Variants in USP32 observed in about 807,000 individuals in gnomAD.
The protein encoded by USP32 is ubiquitin specific peptidase 32, also known as ubiquitin carboxyl-terminal hydrolase 32.
USP32 carries 59 observed loss-of-function variants against 204.8 expected under a neutral mutation model. That is an observed-to-expected ratio of 0.29 (90% confidence interval 0.23 to 0.36). The LOEUF (loss-of-function observed/expected upper bound fraction) is 0.36, where lower values mean the gene tolerates loss of function less well. Ranked by LOEUF, USP32 falls within the 10% of genes least tolerant of loss-of-function variation. The pLI, the probability that USP32 is intolerant of heterozygous loss-of-function variation, is 1.00. For synonymous variants in USP32, 517 were observed against 678.4 expected (o/e 0.76, Z 3.70); for missense variants, 1,160 against 1,946.4 (o/e 0.60, Z 7.60).
rs189196245 is a variant in USP32, at chr17:60,366,830, T to C, written c.59-21222A>G. On this transcript the variant is annotated intron_variant, in intron 1 of 33. Transcript: ENST00000300896. ...ATATAAAGATTTTAAGCCCACTCTT[T>C]TTTTTCTTTTGAGAGGGAGTCTTGC... 3.2e-3 allele frequency among the ~76,000 whole-genome samples: 492 copies of C among 152,084 alleles called. 3 individuals carry two copies. Among genetic ancestry groups the C allele is most frequent in the Non-Finnish European group, 5.6e-3 (381 of 67,936 alleles).
At chr17:60,353,124 T>C (rs1203527162) in intron 1 of USP32, among the ~76,000 whole-genome samples, 2 of 152,142 alleles carry the variant, frequency 1.3e-5, no homozygotes, top group East Asian at 1.9e-4. Flanking sequence ...GAAGCAATTA[T>C]TGTTAAATAA....
rs532609871 is a variant in USP32, at chr17:60,226,369, C to G, written c.1240-138G>C. ...ACAGACATTTAAAAACATTCTAATA[C>G]ATAGCTATATTTTAATCTCTTTCAG... On this transcript the variant is annotated intron_variant, in intron 12 of 33. Transcript: ENST00000300896. 23 of 710,520 alleles carry G rather than the reference C, an allele frequency of 3.2e-5. No individual in the cohort carries two copies. In the African/African-American group the frequency reaches 3.8e-4, roughly 12 times the overall value. 44.0% of individuals were successfully genotyped at this position (710,520 alleles called of 1,614,324 possible). A position where few individuals can be genotyped will look rare whatever the true frequency, so the allele number is the denominator to read the frequency against.
intron 1 of USP32, among the ~76,000 whole-genome samples, chr17:60,371,456 C>CT (rs2089440138): frequency 1.3e-5 from 2 of 151,632 alleles, no homozygotes; most frequent in African/African-American, 4.9e-5. Flanking sequence ...ATAATCCCAG[C>CT]TACTCAGGAA....
At chr17:60,249,803 G>A (rs2086122023) in intron 11 of USP32, 1 of 697,342 alleles carries the variant, frequency 1.4e-6, no homozygotes. Context: ...TGCTTTTGGG[G>A]AAAGGGTTGG....
intron 1 of USP32, among the ~76,000 whole-genome samples, chr17:60,355,857 GAA>G (rs60937652): frequency 5.1e-4 from 22 of 43,080 alleles, no homozygotes; most frequent in African/African-American, 1.0e-3. Context: ...GAGAGAGAAA[GAA>G]AAAAAAAAAA....
intron 26 of USP32, among the ~76,000 whole-genome samples, chr17:60,203,769 GTTTCACCATCT>G (rs1192761331): frequency 6.6e-6 from 1 of 152,030 alleles, no homozygotes; most frequent in East Asian, 1.9e-4. Context: ...TAGAGACGGG[GTTTCACCATCT>G]TGGCCAGGCT....
rs528360417 is a variant in USP32 at position 60,344,934 on chromosome 17, G to A, written c.186+547C>T. ...CTATTTCAGCCTCCTGAGTAGCTGG[G>A]ACTACAGGGACGCACAGTGGCGCCG... On this transcript the variant is annotated intron_variant, in intron 2 of 33. Coordinates refer to ENST00000300896, the MANE Select transcript of USP32 (RefSeq NM_032582.4). Among the ~76,000 whole-genome samples the A allele has an allele frequency of 2.6e-3, 395 of 152,204 alleles. 3 individuals are homozygous for A. The highest frequency in any genetic ancestry group is 3.9e-3 in the Non-Finnish European group (263 of 68,018).
At chr17:60,365,405 C>T (rs1258124533) in intron 1 of USP32, among the ~76,000 whole-genome samples, 1 of 152,038 alleles carries the variant, frequency 6.6e-6, no homozygotes, top group African/African-American at 2.4e-5. Flanking sequence ...CGCTTGAACA[C>T]AGAAGGTGAA....
intron 5 of USP32, among the ~76,000 whole-genome samples, chr17:60,279,852 T>A (rs1225308902): frequency 6.9e-6 from 1 of 145,638 alleles, no homozygotes; most frequent in East Asian, 2.0e-4. Context: ...ATAATAATAA[T>A]TAATAATAAT....
intron 2 of USP32, among the ~76,000 whole-genome samples, chr17:60,307,072 G>A (rs1486711527): frequency 3.3e-5 from 5 of 151,560 alleles, no homozygotes; most frequent in African/African-American, 1.2e-4. Context: ...CTATGTTCAT[G>A]GATTGGAATA....
intron 5 of USP32, among the ~76,000 whole-genome samples, chr17:60,288,113 C>CAAAAAA (rs1045323566): frequency 3.4e-5 from 1 of 29,460 alleles, no homozygotes; most frequent in Non-Finnish European, 9.6e-5. Flanking sequence ...GACTTCGTCT[C>CAAAAAA]AAAAAAAAAA....
At chr17:60,398,467 G>A (rs1771793733) in intron 1 of USP32, among the ~76,000 whole-genome samples, 1 of 152,102 alleles carries the variant, frequency 6.6e-6, no homozygotes, top group South Asian at 2.1e-4. Context: ...CCGGAGGGAA[G>A]CAAAGAGAAT....
At chr17:60,390,078 C>A (rs1223414999) in intron 1 of USP32, among the ~76,000 whole-genome samples, 1 of 152,076 alleles carries the variant, frequency 6.6e-6, no homozygotes, top group East Asian at 1.9e-4. Context: ...ATTTTGCTAT[C>A]TCTTCAAATA....
rs568175658 is a variant in USP32, at chr17:60,222,566, T to C, written c.1609-17A>G. 22 of 1,607,498 alleles carry C rather than the reference T, an allele frequency of 1.4e-5. No homozygotes were observed. In the South Asian group the frequency reaches 2.2e-4, roughly 16 times the overall value. On this transcript the variant is annotated splice_polypyrimidine_tract_variant and intron_variant, in intron 14 of 33. Coordinates refer to ENST00000300896, the MANE Select transcript of USP32 (RefSeq NM_032582.4). ...TGATGTAGCCTGAGAAAGAATAGAATGACAATGTTGACTTTCAATATTACA... is the reference window on the plus strand; with the variant it reads ...TGATGTAGCCTGAGAAAGAATAGAACGACAATGTTGACTTTCAATATTACA...
intron 1 of USP32, among the ~76,000 whole-genome samples, chr17:60,381,662 A>ACACTGTGT (rs1292057570): frequency 2.0e-5 from 3 of 152,122 alleles, no homozygotes; most frequent in Admixed American, 6.5e-5. Flanking sequence ...CCCTGTCTGA[A>ACACTGTGT]CACTGTGTAC....
At chr17:60,364,103 A>G (rs190360740) in intron 1 of USP32, among the ~76,000 whole-genome samples, 1 of 152,322 alleles carries the variant, frequency 6.6e-6, no homozygotes, top group African/African-American at 2.4e-5. Context: ...TCAAAGTACC[A>G]GCAGATTCAG....
At chr17:60,226,347 G>A in intron 12 of USP32, 116 bp from the exon 13 acceptor site, 1 of 947,270 alleles carries the variant, frequency 1.1e-6, no homozygotes. Flanking sequence ...GTTGGCCACA[G>A]ACATTTAAAA....
chr17:60,412,176 C>T (rs942636425), intron 1 of USP32, among the ~76,000 whole-genome samples: 2 of 152,016 alleles, frequency 1.3e-5, no homozygotes, highest in East Asian at 1.9e-4. Flanking sequence ...CAAATTTGCC[C>T]GATGATGATA....
intron 1 of USP32, among the ~76,000 whole-genome samples, chr17:60,386,364 TA>T (rs72099332): frequency 0.039 from 5,167 of 133,962 alleles, 84 homozygotes; most frequent in Middle Eastern, 0.075. Context: ...GTTCATAAAT[TA>T]AAAAAAAAAA....
Sources: allele counts gnomAD v4.1 joint callset (sites outside exome capture counted in the v4.1 genomes callset), GRCh38; gene constraint gnomAD v4.1.1; transcripts MANE v1.5; gene names NCBI Gene and HGNC (gene_info 2026-07-23, HGNC 2026-07-21).